LRRTM4: variants seen among roughly 807,000 people sequenced by gnomAD.
LRRTM4 encodes the protein leucine-rich repeat transmembrane neuronal protein 4.
Under a neutral mutation model 47.6 loss-of-function variants are expected in LRRTM4, and 25 were observed. That is an observed-to-expected ratio of 0.53 (90% CI 0.38 to 0.73). The LOEUF (loss-of-function observed/expected upper bound fraction) is 0.73. Ranked by LOEUF, LRRTM4 falls within the 30% of genes least tolerant of loss-of-function variation. The pLI, the probability that LRRTM4 is intolerant of heterozygous loss-of-function variation, is 0.00. For synonymous variants in LRRTM4, 311 were observed against 269.5 expected (o/e 1.15, Z -1.51); for missense variants, 638 against 713.4 (o/e 0.89, Z 1.20).
chr2:77,491,946 G>A lies in LRRTM4; in HGVS notation c.1551+26372C>T, dbSNP rs111465662. Among the ~76,000 whole-genome samples the A allele has an allele frequency of 2.6e-4, 39 of 151,854 alleles. 1 individual carries two copies. Among genetic ancestry groups the A allele is most frequent in the African/African-American group, 7.2e-4 (30 of 41,504 alleles). On this transcript the variant is annotated intron_variant, in intron 3 of 3. Coordinates refer to ENST00000409884, the MANE Select transcript of LRRTM4 (RefSeq NM_001134745.3). ...GGCTATACAGGTGATATGCAAAAAC[G>A]TAGAACAAAGGAAACGAAAGCAATG... is the stretch of plus-strand genomic sequence containing the variant.
intron 3 of LRRTM4, among the ~76,000 whole-genome samples, chr2:76,792,485 T>G (rs1304878406): frequency 6.6e-6 from 1 of 152,190 alleles, no homozygotes. Context: ...CATCAATTCC[T>G]GAAGAGTTTG....
intron 3 of LRRTM4, among the ~76,000 whole-genome samples, chr2:77,244,571 C>T (rs1274139030): frequency 2.0e-5 from 3 of 151,642 alleles, no homozygotes; most frequent in Non-Finnish European, 4.4e-5. Flanking sequence ...CAGAAATAGC[C>T]CCCAAGTATG....
intron 3 of LRRTM4, among the ~76,000 whole-genome samples, chr2:76,928,509 T>C (rs1674662932): frequency 6.6e-6 from 1 of 152,056 alleles, no homozygotes; most frequent in Admixed American, 6.6e-5. Context: ...GAACAATCAG[T>C]GGTGAAAGAT....
intron 3 of LRRTM4, among the ~76,000 whole-genome samples, chr2:77,405,400 T>G (rs1192934267): frequency 2.6e-5 from 4 of 152,072 alleles, no homozygotes; most frequent in Non-Finnish European, 4.4e-5. Context: ...CCTAACCCTT[T>G]AAAACCTGAT....
At chr2:77,428,557 C>A (rs1164441225) in intron 3 of LRRTM4, among the ~76,000 whole-genome samples, 1 of 152,240 alleles carries the variant, frequency 6.6e-6, no homozygotes, top group East Asian at 1.9e-4. Flanking sequence ...TAGAATATTG[C>A]CTTTTCCCAT....
chr2:77,425,954 TA>T (rs566352644), intron 3 of LRRTM4, among the ~76,000 whole-genome samples: 11,040 of 143,762 alleles, frequency 0.077, 441 homozygotes, highest in Non-Finnish European at 0.093. Flanking sequence ...CTGTCTCTAT[TA>T]AAAAAAAAAA....
intron 3 of LRRTM4, among the ~76,000 whole-genome samples, chr2:76,954,683 A>G (rs541456134): frequency 6.6e-6 from 1 of 151,964 alleles, no homozygotes; most frequent in South Asian, 2.1e-4. Context: ...TCCAGATTTG[A>G]AAAACCCAGT....
chr2:76,914,016 A>C (rs1470667360), intron 3 of LRRTM4, among the ~76,000 whole-genome samples: 1 of 151,716 alleles, frequency 6.6e-6, no homozygotes, highest in East Asian at 1.9e-4. Context: ...TAAAGATATA[A>C]AATTTAAAAG....
rs537135656 is a variant in LRRTM4 at position 77,168,392 on chromosome 2, T to C, written c.1551+349926A>G. ...ATCCTCTGCTACTTATTATCTCTTT[T>C]ACATTTCTAGTTTTTTGTTAGCTGC... is the stretch of plus-strand genomic sequence containing the variant. On this transcript the variant is annotated intron_variant, in intron 3 of 3. Transcript: ENST00000409884. 1.1e-3 allele frequency among the ~76,000 whole-genome samples: 167 copies of C among 152,226 alleles called. 2 individuals carry two copies. The highest frequency in any genetic ancestry group is 3.2e-3 in the African/African-American group (133 of 41,578).
At chr2:77,407,705 A>ATATT (rs533402186) in intron 3 of LRRTM4, among the ~76,000 whole-genome samples, 1 of 139,590 alleles carries the variant, frequency 7.2e-6, no homozygotes, top group African/African-American at 2.7e-5. Context: ...TGATATATAT[A>ATATT]ATATATCATA....
At chr2:76,761,765 G>A (rs2104084114) in intron 3 of LRRTM4, among the ~76,000 whole-genome samples, 1 of 152,140 alleles carries the variant, frequency 6.6e-6, no homozygotes, top group African/African-American at 2.4e-5. Flanking sequence ...TAAATTTAAA[G>A]GAAAAGAAAA....
At chr2:77,478,243 T>C (rs1277481445) in intron 3 of LRRTM4, among the ~76,000 whole-genome samples, 1 of 152,206 alleles carries the variant, frequency 6.6e-6, no homozygotes, top group African/African-American at 2.4e-5. Context: ...ATTTTATTTA[T>C]GAAAATCATC....
At chr2:77,024,581 A>G (rs1028112973) in intron 3 of LRRTM4, among the ~76,000 whole-genome samples, 1 of 151,218 alleles carries the variant, frequency 6.6e-6, no homozygotes, top group Non-Finnish European at 1.5e-5. Context: ...TTTGTTACTA[A>G]TGAATTGGAA....
At chr2:77,302,788 T>C (rs1042794525) in intron 3 of LRRTM4, among the ~76,000 whole-genome samples, 4 of 152,114 alleles carry the variant, frequency 2.6e-5, no homozygotes, top group Non-Finnish European at 5.9e-5. Context: ...GGAATGAGGT[T>C]GTGGGAACTT....
chr2:77,203,792 C>T (rs1674046506), intron 3 of LRRTM4, among the ~76,000 whole-genome samples: 1 of 152,110 alleles, frequency 6.6e-6, no homozygotes, highest in Admixed American at 6.6e-5. Context: ...TGTCAAGAAA[C>T]TTTTTGTTCA....
intron 3 of LRRTM4, among the ~76,000 whole-genome samples, chr2:76,877,854 A>G (rs770833298): frequency 9.9e-5 from 15 of 152,208 alleles, no homozygotes; most frequent in Non-Finnish European, 1.6e-4. Context: ...CAGTGAAGCA[A>G]ACCCCTAATC....
chr2:77,240,956 A>G (rs930303529), intron 3 of LRRTM4, among the ~76,000 whole-genome samples: 1 of 152,030 alleles, frequency 6.6e-6, no homozygotes, highest in African/African-American at 2.4e-5. Context: ...AGAAAGACTA[A>G]GTATTGTTAA....
At chr2:77,086,484 T>TTC (rs1179086686) in intron 3 of LRRTM4, among the ~76,000 whole-genome samples, 1 of 151,178 alleles carries the variant, frequency 6.6e-6, no homozygotes, top group African/African-American at 2.4e-5. Flanking sequence ...TAATTTTTTT[T>TTC]TTTTTTTTTT....
At chr2:77,270,027 C>T (rs1006973109) in intron 3 of LRRTM4, among the ~76,000 whole-genome samples, 2 of 152,146 alleles carry the variant, frequency 1.3e-5, no homozygotes, top group Non-Finnish European at 2.9e-5. Context: ...GTCCTCTAGC[C>T]ATAGGCATGC....
Sources: gnomAD v4.1 joint callset for allele counts (sites outside exome capture counted in the v4.1 genomes callset) on GRCh38, gnomAD v4.1.1 for gene constraint, MANE v1.5 for transcripts, NCBI Gene and HGNC (gene_info 2026-07-23, HGNC 2026-07-21) for gene names.